Variants in HERC3 observed in about 807,000 individuals in gnomAD.
HERC3 encodes probable E3 ubiquitin-protein ligase HERC3.
HERC3 carries 58 observed loss-of-function variants against 129.9 expected under a neutral mutation model. That is an observed-to-expected ratio of 0.45 (90% confidence interval 0.36 to 0.56). HERC3 has a LOEUF of 0.56. HERC3 is among the 20% of genes least tolerant of loss of function. HERC3 has a pLI of 0.00. For missense variants in HERC3, 835 were observed against 1,244.2 expected (o/e 0.67, Z 4.95); for synonymous variants, 430 against 451.0 (o/e 0.95, Z 0.59).
intron 3 of HERC3, among the ~76,000 whole-genome samples, chr4:88,613,143 G>T (rs1362650078): frequency 6.6e-6 from 1 of 152,106 alleles, no homozygotes; most frequent in African/African-American, 2.4e-5. Context: ...ATCTTGAATA[G>T]ACAAGAACCG....
chr4:88,555,413 T>A, the HERC3 span, among the ~76,000 whole-genome samples: 270 of 152,212 alleles, frequency 1.8e-3, 2 homozygotes, highest in African/African-American at 6.4e-3. Flanking sequence ...AGCATGGAAG[T>A]TTTGCAAGTT....
the HERC3 span, among the ~76,000 whole-genome samples, chr4:88,546,008 A>G: frequency 6.6e-6 from 1 of 152,224 alleles, no homozygotes; most frequent in Non-Finnish European, 1.5e-5. Flanking sequence ...ACTTATTAAT[A>G]GTATAGATTA....
intron 18 of HERC3, among the ~76,000 whole-genome samples, chr4:88,676,800 ATGTGGTGAAAGAT>A (rs1732216577): frequency 6.6e-6 from 1 of 152,230 alleles, no homozygotes; most frequent in Non-Finnish European, 1.5e-5. Flanking sequence ...TAATTTTTAC[ATGTGGTGAAAGAT>A]TATTCTTCAT....
chr4:88,706,685 C>T, intron 25 of HERC3, 67 bp from the exon 26 acceptor site: 1 of 1,319,914 alleles, frequency 7.6e-7, no homozygotes, highest in South Asian at 1.3e-5. Flanking sequence ...TCTCCTGTTG[C>T]CAGAAGGATC....
At chr4:88,700,153 TTTATTTTTTA>T (rs1735195473) in intron 23 of HERC3, among the ~76,000 whole-genome samples, 1 of 151,928 alleles carries the variant, frequency 6.6e-6, no homozygotes, top group African/African-American at 2.4e-5. Context: ...TATTAGTAAA[TTTATTTTTTA>T]TTATTTTTTA....
At chr4:88,682,842 A>G (rs1485381363) in intron 21 of HERC3, among the ~76,000 whole-genome samples, 1 of 151,870 alleles carries the variant, frequency 6.6e-6, no homozygotes, top group African/African-American at 2.4e-5. Flanking sequence ...ATACCCAGTA[A>G]TGGGATGGCC....
At chr4:88,664,426 ATACT>A (rs1034680845) in intron 12 of HERC3, among the ~76,000 whole-genome samples, 46 of 152,214 alleles carry the variant, frequency 3.0e-4, no homozygotes, top group African/African-American at 7.7e-4. Context: ...TGTGATGCAA[ATACT>A]TACTCAGCAA....
chr4:88,531,831 C>T, the HERC3 span, among the ~76,000 whole-genome samples: 1 of 152,174 alleles, frequency 6.6e-6, no homozygotes, highest in Non-Finnish European at 1.5e-5. Context: ...GCTGCACTCT[C>T]TAGATGCAAG....
intron 9 of HERC3, chr4:88,657,151 T>C (rs957647502): frequency 6.6e-6 from 1 of 152,242 alleles, no homozygotes; most frequent in African/African-American, 2.4e-5. Flanking sequence ...GTGTAACTTA[T>C]TAATTTTGAT....
chr4:88,604,867 C>G (rs1723444122), intron 2 of HERC3, among the ~76,000 whole-genome samples: 1 of 152,158 alleles, frequency 6.6e-6, no homozygotes, highest in Non-Finnish European at 1.5e-5. Context: ...TAGTATGGTT[C>G]TAATAGCCCC....
chr4:88,542,462 A>G, the HERC3 span, among the ~76,000 whole-genome samples: 1 of 152,234 alleles, frequency 6.6e-6, no homozygotes, highest in East Asian at 1.9e-4. Flanking sequence ...AACAACCAAA[A>G]AAAGTCCAGG....
At chr4:88,545,988 GA>G in the HERC3 span, among the ~76,000 whole-genome samples, 6 of 152,004 alleles carry the variant, frequency 3.9e-5, no homozygotes, top group South Asian at 4.2e-4. Flanking sequence ...GCTCTTTAGG[GA>G]AAAAAATCAC....
chr4:88,683,496 G>A (rs1733041307), intron 21 of HERC3, among the ~76,000 whole-genome samples: 1 of 152,202 alleles, frequency 6.6e-6, no homozygotes. Flanking sequence ...CAACAGAAAT[G>A]TGTGTCCCTT....
At position 88,670,263 on chromosome 4, in the gene HERC3, A is replaced by G. The variant is rs144948749; in HGVS notation, c.1911+11A>G. ...CATCAAGCAGGGATGGTAAGAATTC[A>G]TAAAGCATATTTTAAAGCTTTAGTC... On this transcript the variant is annotated intron_variant, in intron 16 of 25. Transcript: ENST00000402738. 771 of 1,527,080 alleles carry G rather than the reference A, an allele frequency of 5.0e-4. 3 individuals are homozygous for G. The Middle Eastern group carries it at 5.5e-3, about 11-fold the overall frequency. The allele number at this position is 1,527,080 out of a possible 1,614,324, so 94.6% of individuals were successfully genotyped here. A position where few individuals can be genotyped will look rare whatever the true frequency, so the allele number is the denominator to read the frequency against.
At chr4:88,677,018 T>C (rs1270457649) in intron 18 of HERC3, among the ~76,000 whole-genome samples, 1 of 151,872 alleles carries the variant, frequency 6.6e-6, no homozygotes, top group Admixed American at 6.6e-5. Context: ...ACCTGTAATC[T>C]CAGCTACGCG....
Position 88,667,391 on chromosome 4 carries a change from T to G in HERC3, c.1346T>G (p.Phe449Cys), listed in dbSNP as rs758720430. 6.3e-7 allele frequency: 1 copy of G among 1,596,268 alleles called. No homozygotes were observed. Among genetic ancestry groups the G allele is most frequent in the Non-Finnish European group, 8.5e-7 (1 of 1,170,826 alleles). ...TGTTTGTTTAGAATTGATGAACATT[T>G]TAAAACGAGTCCCAAAATCCCTGGG... ...SFLEKKIDEHFKTSPKIPGID... is the reference protein window; with the variant it reads ...SFLEKKIDEHCKTSPKIPGID... Residue 449 changes from phenylalanine (F) to cysteine (C), a missense_variant, in exon 13 of 26, where the codon TTT becomes TGT. Phe to Cys is a radical substitution (Grantham distance 205, BLOSUM62 -2). Transcript: ENST00000402738.
chr4:88,701,500 A>G (rs556165713), intron 23 of HERC3, among the ~76,000 whole-genome samples: 2 of 152,366 alleles, frequency 1.3e-5, no homozygotes, highest in African/African-American at 4.8e-5. Flanking sequence ...GTAAATAACT[A>G]TCTTCATGAT....
intron 21 of HERC3, among the ~76,000 whole-genome samples, chr4:88,681,683 A>T (rs1039451776): frequency 6.6e-6 from 1 of 152,142 alleles, no homozygotes; most frequent in Non-Finnish European, 1.5e-5. Context: ...TTCTTTAATT[A>T]AACTGTTTTT....
intron 16 of HERC3, 36 bp downstream of exon 16, chr4:88,670,288 C>CT (rs1731476538): frequency 7.2e-7 from 1 of 1,389,448 alleles, no homozygotes; most frequent in South Asian, 1.2e-5. Flanking sequence ...AAGCTTTAGT[C>CT]TTTTTATAAG....
Sources: gnomAD v4.1 joint callset for allele counts (sites outside exome capture counted in the v4.1 genomes callset) on GRCh38, gnomAD v4.1.1 for gene constraint, MANE v1.5 for transcripts, NCBI Gene and HGNC (gene_info 2026-07-23, HGNC 2026-07-21) for gene names.